SLC39A11: variants seen among roughly 807,000 people sequenced by gnomAD.
SLC39A11 encodes the protein zinc transporter ZIP11.
SLC39A11 carries 33 observed loss-of-function variants against 36.1 expected under a neutral mutation model. That is an observed-to-expected ratio of 0.91 (90% confidence interval 0.69 to 1.22). The LOEUF (loss-of-function observed/expected upper bound fraction) is 1.22, where lower values mean the gene tolerates loss of function less well. SLC39A11 is among the 50% of genes most tolerant of loss of function. The pLI is 0.00. For synonymous variants in SLC39A11, 166 were observed against 170.3 expected (o/e 0.97, Z 0.20); for missense variants, 432 against 430.3 (o/e 1.00, Z -0.03).
rs111306063 is a variant in SLC39A11, at chr17:72,988,282, G to A, written c.307-40407C>T. On this transcript the variant is annotated intron_variant, in intron 4 of 9. Coordinates refer to ENST00000255559, the MANE Select transcript of SLC39A11 (RefSeq NM_139177.4). The stretch of plus-strand genomic sequence containing the variant: ...AGTCCGGCCAACATGGTGAAATCCC[G>A]TCTCTGCTAAAAACACACACACACA... Among the ~76,000 whole-genome samples, 518 of 152,244 alleles carry A rather than the reference G, an allele frequency of 3.4e-3. 4 individuals carry two copies. The highest frequency in any genetic ancestry group is 0.012 in the African/African-American group (490 of 41,566).
At position 73,023,752 on chromosome 17, in the gene SLC39A11, G is replaced by A. The variant is rs112923640; in HGVS notation, c.306+7804C>T. Among the ~76,000 whole-genome samples, 270 of 152,342 alleles carry A rather than the reference G, an allele frequency of 1.8e-3. 1 individual carries two copies. Among genetic ancestry groups the A allele is most frequent in the African/African-American group, 5.9e-3 (244 of 41,574 alleles). On this transcript the variant is annotated intron_variant, in intron 4 of 9. Coordinates refer to ENST00000255559, the MANE Select transcript of SLC39A11 (RefSeq NM_139177.4). ...GATCCGCCCACCTTGGCCTCCCAAA[G>A]TGTTGGGATTACAGGTGTGAGCCAC...
At chr17:72,750,002 T>C (rs937527157) in intron 6 of SLC39A11, among the ~76,000 whole-genome samples, 4 of 152,180 alleles carry the variant, frequency 2.6e-5, no homozygotes, top group African/African-American at 9.6e-5. Flanking sequence ...GCCTCTCACC[T>C]GGCTCATGAA....
chr17:72,760,431 T>C (rs937192859), intron 6 of SLC39A11, among the ~76,000 whole-genome samples: 3 of 152,222 alleles, frequency 2.0e-5, no homozygotes, highest in Non-Finnish European at 4.4e-5. Context: ...TTTTGCTCCC[T>C]CCTATTGATG....
chr17:72,677,075 A>T (rs935221098), intron 7 of SLC39A11, among the ~76,000 whole-genome samples: 2 of 152,144 alleles, frequency 1.3e-5, no homozygotes, highest in Non-Finnish European at 2.9e-5. Context: ...AAAATCACCA[A>T]ACCTGGGTGC....
intron 4 of SLC39A11, among the ~76,000 whole-genome samples, chr17:73,020,746 A>C (rs1236940782): frequency 8.1e-6 from 1 of 122,840 alleles, no homozygotes; most frequent in Non-Finnish European, 1.6e-5. Flanking sequence ...TCAGTGGTGC[A>C]ATCTTGGCTT....
chr17:72,656,772 G>T (rs1452631603), intron 7 of SLC39A11, among the ~76,000 whole-genome samples: 1 of 152,136 alleles, frequency 6.6e-6, no homozygotes, highest in African/African-American at 2.4e-5. Context: ...AGGAAGGGGG[G>T]TCCCATCCAG....
At chr17:72,995,227 G>A (rs1209784632) in intron 4 of SLC39A11, among the ~76,000 whole-genome samples, 1 of 152,158 alleles carries the variant, frequency 6.6e-6, no homozygotes, top group Non-Finnish European at 1.5e-5. Flanking sequence ...TTGACCTTGG[G>A]CTTGGCCATG....
intron 7 of SLC39A11, among the ~76,000 whole-genome samples, chr17:72,698,980 G>A (rs58742035): frequency 0.088 from 13,325 of 152,072 alleles, 777 homozygotes; most frequent in African/African-American, 0.17. Context: ...ACAGGCGCCC[G>A]CCACCACACC....
chr17:73,019,946 T>A (rs2058287882), intron 4 of SLC39A11, among the ~76,000 whole-genome samples: 1 of 152,108 alleles, frequency 6.6e-6, no homozygotes, highest in Non-Finnish European at 1.5e-5. Flanking sequence ...AAAATGAAAC[T>A]GGGGTAGAAG....
chr17:72,688,382 T>C (rs1323913654), intron 7 of SLC39A11, among the ~76,000 whole-genome samples: 2 of 152,242 alleles, frequency 1.3e-5, no homozygotes, highest in Non-Finnish European at 2.9e-5. Context: ...GCAGCTTCTC[T>C]ACCTGGAAAC....
intron 6 of SLC39A11, among the ~76,000 whole-genome samples, chr17:72,836,912 A>G (rs1182068327): frequency 1.3e-5 from 2 of 152,214 alleles, no homozygotes; most frequent in African/African-American, 2.4e-5. Flanking sequence ...TGTGAAGCAG[A>G]AGCTGTTGCA....
intron 6 of SLC39A11, among the ~76,000 whole-genome samples, chr17:72,751,156 G>C (rs551638377): frequency 6.6e-6 from 1 of 152,302 alleles, no homozygotes; most frequent in Non-Finnish European, 1.5e-5. Context: ...GCTGAGGAAT[G>C]AGAATCACTT....
intron 7 of SLC39A11, 75 bp downstream of exon 7, chr17:72,736,575 C>T: frequency 1.5e-6 from 2 of 1,291,238 alleles, no homozygotes; most frequent in Non-Finnish European, 2.3e-6. Flanking sequence ...ACAGACAGCC[C>T]ACCCAGGTGA....
intron 4 of SLC39A11, among the ~76,000 whole-genome samples, chr17:73,014,600 T>C (rs6501590): frequency 0.86 from 130,838 of 152,264 alleles, 57,478 homozygotes; most frequent in Middle Eastern, 0.94. Flanking sequence ...AAGGCTGCAA[T>C]GAACTGTGAT....
At chr17:72,702,691 C>G (rs1175813579) in intron 7 of SLC39A11, among the ~76,000 whole-genome samples, 1 of 152,024 alleles carries the variant, frequency 6.6e-6, no homozygotes, top group Non-Finnish European at 1.5e-5. Context: ...AATCCCAACA[C>G]TTTGGGAGGC....
At chr17:72,894,369 A>C (rs1376257105) in intron 5 of SLC39A11, among the ~76,000 whole-genome samples, 1 of 147,812 alleles carries the variant, frequency 6.8e-6, no homozygotes, top group African/African-American at 2.5e-5. Flanking sequence ...TCAAAAAAAA[A>C]AAAAAAAAAA....
chr17:73,023,158 T>C (rs2058411438), intron 4 of SLC39A11, among the ~76,000 whole-genome samples: 1 of 152,072 alleles, frequency 6.6e-6, no homozygotes, highest in South Asian at 2.1e-4. Flanking sequence ...CGACCACTGG[T>C]TCAGAACGCC....
chr17:72,809,630 G>GGTAT (rs1466024118), intron 6 of SLC39A11, among the ~76,000 whole-genome samples: 2 of 152,044 alleles, frequency 1.3e-5, no homozygotes, highest in Admixed American at 6.6e-5. Context: ...GCATTAAAAA[G>GGTAT]GTATGTCCAA....
At chr17:72,904,643 T>C (rs2082557846) in intron 5 of SLC39A11, among the ~76,000 whole-genome samples, 2 of 152,192 alleles carry the variant, frequency 1.3e-5, no homozygotes, top group African/African-American at 2.4e-5. Flanking sequence ...AGGAACCCTC[T>C]GGGCTCTAAC....
Sources: allele counts gnomAD v4.1 joint callset (sites outside exome capture counted in the v4.1 genomes callset), GRCh38; gene constraint gnomAD v4.1.1; transcripts MANE v1.5; gene names NCBI Gene and HGNC (gene_info 2026-07-23, HGNC 2026-07-21).